SCN2A: variants seen among roughly 807,000 people sequenced by gnomAD.
SCN2A encodes sodium voltage-gated channel alpha subunit 2.
In SCN2A, 20 loss-of-function variants were observed where a neutral mutation model predicts 188.7. The ratio of observed to expected loss-of-function variants is 0.11; its 90% CI spans 0.07 to 0.15. The LOEUF (loss-of-function observed/expected upper bound fraction) is 0.15. Among genes scored for constraint, SCN2A ranks in the 10% least tolerant of loss-of-function variants. The probability of loss-of-function intolerance (pLI) is 1.00; values close to 1 mark genes in which losing one functional copy is unlikely to be tolerated. For missense variants in SCN2A, 1,278 were observed against 2,445.0 expected (o/e 0.52, Z 10.07); for synonymous variants, 804 against 833.1 (o/e 0.97, Z 0.60).
rs894813693 is a variant in SCN2A at position 165,290,737 on chromosome 2, A to C, written c.-51-5036A>C. ...CACTCATCATAGAGATTTATGAAATATTGTGCGCTTGATTGCAGTAGGACA... is the reference window on the plus strand; with the variant it reads ...CACTCATCATAGAGATTTATGAAATCTTGTGCGCTTGATTGCAGTAGGACA... On this transcript the variant is annotated intron_variant, in intron 1 of 26. Coordinates refer to ENST00000375437, the MANE Select transcript of SCN2A (RefSeq NM_001040142.2). 9.2e-6 allele frequency: 9 copies of C among 983,298 alleles called. No homozygotes were observed. In the African/African-American group the frequency reaches 1.4e-4, roughly 15 times the overall value. 60.9% of individuals were successfully genotyped at this position (983,298 alleles called of 1,614,324 possible).
In SCN2A at chr2:165,327,067, C is replaced by T. The variant is rs17184707; in HGVS notation, c.2149+83C>T. The T allele has an allele frequency of 0.18, 275,419 of 1,492,772 alleles. 28,128 individuals carry two copies. Among genetic ancestry groups the T allele is most frequent in the Non-Finnish European group, 0.21 (226,165 of 1,072,982 alleles). 92.5% of individuals were successfully genotyped at this position (1,492,772 alleles called of 1,614,324 possible). A position where few individuals can be genotyped will look rare whatever the true frequency, so the allele number is the denominator to read the frequency against. Reference sequence around the variant, plus strand: ...CTTCATAAATTTCAATAAAATACTTCCTGACTTGATATTGTATCATTATTA... The same window carrying T: ...CTTCATAAATTTCAATAAAATACTTTCTGACTTGATATTGTATCATTATTA... On this transcript the variant is annotated intron_variant, in intron 13 of 26. Coordinates refer to ENST00000375437, the MANE Select transcript of SCN2A (RefSeq NM_001040142.2).
At chr2:165,241,220 CA>C (rs1219735529) in intron 1 of SCN2A, 1 of 151,940 alleles carries the variant, frequency 6.6e-6, no homozygotes, top group East Asian at 1.9e-4. Context: ...TACTGTTGCT[CA>C]ATGGCATATT....
chr2:165,381,907 G>C (rs186328268), intron 25 of SCN2A, among the ~76,000 whole-genome samples: 3 of 151,800 alleles, frequency 2.0e-5, no homozygotes, highest in African/African-American at 7.3e-5. Context: ...ACGTATACGT[G>C]GTATAAAACA....
chr2:165,251,967 A>G (rs896108791), intron 1 of SCN2A, among the ~76,000 whole-genome samples: 2 of 152,146 alleles, frequency 1.3e-5, no homozygotes, highest in Non-Finnish European at 2.9e-5. Flanking sequence ...TGAAGAACAT[A>G]GATTTTAAAT....
At chr2:165,291,608 TTTGTCTTG>T (rs1696208969) in intron 1 of SCN2A, among the ~76,000 whole-genome samples, 1 of 144,748 alleles carries the variant, frequency 6.9e-6, no homozygotes, top group African/African-American at 2.6e-5. Flanking sequence ...TCTTTCTTTC[TTTGTCTTG>T]CTCTATCTCC....
In SCN2A at chr2:165,345,033, C is replaced by G. The variant is rs550277120; in HGVS notation, c.2919+122C>G. 1.1e-5 allele frequency: 13 copies of G among 1,236,838 alleles called. No individual in the cohort carries two copies. The Admixed American group carries it at 1.4e-4, about 13-fold the overall frequency. 76.6% of individuals were successfully genotyped at this position (1,236,838 alleles called of 1,614,324 possible). On this transcript the variant is annotated intron_variant, in intron 16 of 26. Coordinates refer to ENST00000375437, the MANE Select transcript of SCN2A (RefSeq NM_001040142.2). ...AGGCCACTTCCTATTGTCTATTACT[C>G]ATGACTGTAAGAGCCATGTATAGTT... is the stretch of plus-strand genomic sequence containing the variant.
At position 165,389,428 on chromosome 2, in the gene SCN2A, C is replaced by A. The variant is rs1279601082; in HGVS notation, c.5622C>A (p.Ala1874=). 6.2e-7 allele frequency: 1 copy of A among 1,613,784 alleles called. No homozygotes were observed. The highest frequency in any genetic ancestry group is 8.5e-7 in the Non-Finnish European group (1 of 1,179,940). ...TGGGTGAGAGTGGAGAGATGGATGC[C>A]CTTCGAATACAGATGGAAGAGCGAT... ...RVLGESGEMD[A]LRIQMEERFM... The change falls in exon 27 of 27, where the codon GCC becomes GCA. Residue 1874 remains alanine (A), a synonymous_variant. Coordinates refer to ENST00000375437, the MANE Select transcript of SCN2A (RefSeq NM_001040142.2). This position sits in a 1 kb window ranked among gnomAD's most constrained non-coding sequence, Gnocchi z 4.2.
In SCN2A at chr2:165,392,033, C is replaced by T. The variant is rs867912664; in HGVS notation, c.*2209C>T. 4.6e-5 allele frequency: 7 copies of T among 152,412 alleles called. No individual in the cohort carries two copies. Among genetic ancestry groups the T allele is most frequent in the African/African-American group, 9.7e-5 (4 of 41,406 alleles). 9.4% of individuals were successfully genotyped at this position (152,412 alleles called of 1,614,324 possible). ...AATCAAGCCAAAAGAATAAAGGTTT[C>T]GCTTTTGTTTTTGTATTTAATTGTT... On this transcript the variant is annotated 3_prime_UTR_variant, in exon 27 of 27. Coordinates refer to ENST00000375437, the MANE Select transcript of SCN2A (RefSeq NM_001040142.2).
At chr2:165,350,728 C>A (rs1166762511) in intron 16 of SCN2A, among the ~76,000 whole-genome samples, 1 of 136,388 alleles carries the variant, frequency 7.3e-6, no homozygotes, top group African/African-American at 2.7e-5. Flanking sequence ...CGAGGCCTCC[C>A]AAAGTGCTGG....
chr2:165,326,768 G>A, intron 12 of SCN2A, 84 bp from the exon 13 acceptor site: 1 of 1,434,074 alleles, frequency 7.0e-7, no homozygotes, highest in East Asian at 2.3e-5. Flanking sequence ...TGTATATTTA[G>A]TTAAATAACA....
At chr2:165,346,991 G>A (rs368975951) in intron 16 of SCN2A, among the ~76,000 whole-genome samples, 2 of 152,214 alleles carry the variant, frequency 1.3e-5, no homozygotes. Context: ...TACATTGTTG[G>A]TGGGAGTGTA....
chr2:165,270,246 T>C (rs1358549326), intron 1 of SCN2A: 8 of 119,086 alleles, frequency 6.7e-5, no homozygotes, highest in African/African-American at 2.5e-4. Flanking sequence ...TATGGCTCTC[T>C]CTCATACTGA....
At chr2:165,270,254 T>TG (rs1416877740) in intron 1 of SCN2A, 2 of 115,584 alleles carry the variant, frequency 1.7e-5, no homozygotes, top group African/African-American at 6.5e-5. Flanking sequence ...TCTCTCATAC[T>TG]GAAAATGTGC....
At chr2:165,376,222 C>T (rs183698671) in intron 22 of SCN2A, among the ~76,000 whole-genome samples, 229 of 150,934 alleles carry the variant, frequency 1.5e-3, no homozygotes, top group Middle Eastern at 3.4e-3. Flanking sequence ...GTATAAGAAG[C>T]GATAATTATA....
At chr2:165,372,946 G>A in intron 20 of SCN2A, 1 of 256,372 alleles carries the variant, frequency 3.9e-6, no homozygotes, top group South Asian at 7.3e-5. Context: ...TTCCTACCAA[G>A]AATCTTGAAA....
intron 22 of SCN2A, 84 bp downstream of exon 22, chr2:165,375,050 G>A: frequency 8.6e-7 from 1 of 1,161,480 alleles, no homozygotes; most frequent in Non-Finnish European, 1.3e-6. Context: ...ATATCCACCT[G>A]TTAGAATGGC....
At chr2:165,316,504 G>A (rs1015793578) in intron 11 of SCN2A, among the ~76,000 whole-genome samples, 9 of 152,140 alleles carry the variant, frequency 5.9e-5, no homozygotes, top group African/African-American at 2.2e-4. Flanking sequence ...GGAATACACA[G>A]TACCTCAGAA....
intron 2 of SCN2A, 128 bp downstream of exon 2, chr2:165,296,218 C>A: frequency 1.1e-6 from 1 of 899,190 alleles, no homozygotes; most frequent in Non-Finnish European, 1.8e-6. Flanking sequence ...GCTGGATGGG[C>A]CTGACCGTGT....
In SCN2A at chr2:165,354,482, C is replaced by T. The variant is rs187731029; in HGVS notation, c.3210C>T (p.Asp1070=). The T allele has an allele frequency of 7.9e-5, 127 of 1,613,908 alleles. 1 individual carries two copies. In the Middle Eastern group the frequency reaches 1.3e-3, roughly 17 times the overall value. Residue 1070 remains aspartate (D), a synonymous_variant, in exon 17 of 27, where the codon GAC becomes GAT. Coordinates refer to ENST00000375437, the MANE Select transcript of SCN2A (RefSeq NM_001040142.2). ...GCAAAGACCTCAATTATCTCAAAGA[C>T]GGAAATGGAACTACTAGTGGCATAG... ...EIGKDLNYLK[D]GNGTTSGIGS...
Sources: gnomAD v4.1 joint callset for allele counts (sites outside exome capture counted in the v4.1 genomes callset) on GRCh38, gnomAD v4.1.1 for gene constraint, Gnocchi (gnomAD v3.1) non-coding constraint, MANE v1.5 for transcripts, NCBI Gene and HGNC (gene_info 2026-07-23, HGNC 2026-07-21) for gene names.